The following ALG13 variants were observed in gnomAD, a reference collection of about 807,000 sequenced individuals.
ALG13 encodes the protein UDP-N-acetylglucosamine transferase subunit ALG13.
Under a neutral mutation model 87.8 loss-of-function variants are expected in ALG13, and 11 were observed. The ratio of observed to expected loss-of-function variants is 0.13; its 90% CI spans 0.08 to 0.21. ALG13 has a LOEUF of 0.21. ALG13 is among the 10% of genes least tolerant of loss of function. ALG13 has a pLI of 1.00. For synonymous variants in ALG13, 320 were observed against 306.3 expected (o/e 1.04, Z -0.47); for missense variants, 756 against 866.1 (o/e 0.87, Z 1.60).
At position 111,727,759 on chromosome X, in the gene ALG13, C is replaced by T; in HGVS notation, c.2236C>T (p.Pro746Ser). Residue 746 changes from proline (P) to serine (S), a missense_variant, in exon 18 of 27, where the codon CCA becomes TCA. Physicochemically the swap from Pro to Ser is moderately conservative, Grantham distance 74. This residue lies in a region of ALG13 where 362 missense variants were observed against 383.5 expected (regional missense o/e 0.94). Coordinates refer to ENST00000394780, the MANE Select transcript of ALG13 (RefSeq NM_001099922.3). ...EVEEGDETAY[P>S]TLPNHGGPST... Reference sequence around the variant, plus strand: ...TGAAGAAGGGGATGAGACTGCTTATCCAACTTTACCTGTGAGTGGATCAAT... The same window carrying T: ...TGAAGAAGGGGATGAGACTGCTTATTCAACTTTACCTGTGAGTGGATCAAT... 1.7e-6 allele frequency: 2 copies of T among 1,201,599 alleles called. No homozygotes were observed. Among genetic ancestry groups the T allele is most frequent in the East Asian group, 3.0e-5 (1 of 33,677 alleles).
intron 25 of ALG13, among the ~76,000 whole-genome samples, chrX:111,753,727 G>A: frequency 8.9e-6 from 1 of 111,824 alleles, no homozygotes; most frequent in Non-Finnish European, 1.9e-5. Flanking sequence ...AAACCAGGAA[G>A]AAGTCGAATT....
At chrX:111,739,370 G>A (rs1490802415) in intron 23 of ALG13, among the ~76,000 whole-genome samples, 4 of 112,285 alleles carry the variant, frequency 3.6e-5, no homozygotes, top group Non-Finnish European at 7.5e-5. Flanking sequence ...TACAATTCAA[G>A]ATGAGATTTG....
intron 12 of ALG13, 82 bp from the exon 13 acceptor site, chrX:111,722,711 C>G: frequency 3.0e-6 from 2 of 676,304 alleles, no homozygotes; most frequent in Non-Finnish European, 4.6e-6. Flanking sequence ...AAAGGCACTA[C>G]GGTAAAAGTA....
chrX:111,753,022 T>C, intron 25 of ALG13, 192 bp downstream of exon 25: 2 of 369,411 alleles, frequency 5.4e-6, no homozygotes, highest in East Asian at 9.3e-5. Flanking sequence ...GTTTCTCTTA[T>C]AAAATAGTCG....
intron 15 of ALG13, among the ~76,000 whole-genome samples, chrX:111,726,232 GTTTTTTT>G (rs1213050998): frequency 1.7e-5 from 1 of 60,225 alleles, no homozygotes; most frequent in Admixed American, 1.9e-4. Flanking sequence ...GGCGTGTTTT[GTTTTTTT>G]TTTTTTTTTT....
intron 8 of ALG13, among the ~76,000 whole-genome samples, chrX:111,716,204 T>C (rs1413198401): frequency 1.8e-5 from 2 of 111,415 alleles, no homozygotes; most frequent in African/African-American, 3.3e-5. Flanking sequence ...CTTAGTAATA[T>C]AGATCTACCC....
chrX:111,748,063 T>C (rs1336760428), intron 24 of ALG13, among the ~76,000 whole-genome samples: 1 of 112,371 alleles, frequency 8.9e-6, no homozygotes, highest in African/African-American at 3.2e-5. Context: ...GTAGAGCATC[T>C]TTTCATGTGC....
At chrX:111,726,232 G>GTTTTTTTTT (rs1213050998) in intron 15 of ALG13, among the ~76,000 whole-genome samples, 3 of 60,221 alleles carry the variant, frequency 5.0e-5, no homozygotes, top group African/African-American at 1.4e-4. Context: ...GGCGTGTTTT[G>GTTTTTTTTT]TTTTTTTTTT....
intron 3 of ALG13, among the ~76,000 whole-genome samples, chrX:111,696,968 G>C (rs1037625932): frequency 9.8e-6 from 1 of 102,366 alleles, no homozygotes; most frequent in Admixed American, 1.0e-4. Context: ...CAGTGAAATT[G>C]CTCTGGTTCT....
chrX:111,726,232 G>GTTTTT (rs1213050998), intron 15 of ALG13, among the ~76,000 whole-genome samples: 249 of 59,997 alleles, frequency 4.2e-3, no homozygotes, highest in East Asian at 7.3e-3. Context: ...GGCGTGTTTT[G>GTTTTT]TTTTTTTTTT....
intron 5 of ALG13, 63 bp from the exon 6 acceptor site, chrX:111,711,612 A>G (rs1939794388): frequency 9.5e-7 from 1 of 1,047,747 alleles, no homozygotes; most frequent in Middle Eastern, 2.5e-4. Flanking sequence ...GATAATGTAG[A>G]ATATAATCAG....
chrX:111,713,333 A>C (rs1940101408), intron 8 of ALG13, 36 bp downstream of exon 8: 1 of 921,245 alleles, frequency 1.1e-6, no homozygotes, highest in African/African-American at 1.9e-5. Context: ...TATATAAAAG[A>C]AGTTGAATGA....
At chrX:111,750,569 A>G (rs762555443) in intron 24 of ALG13, among the ~76,000 whole-genome samples, 1 of 110,794 alleles carries the variant, frequency 9.0e-6, no homozygotes, top group East Asian at 2.8e-4. Context: ...CATTTTTCCA[A>G]CAACATGTTC....
intron 18 of ALG13, among the ~76,000 whole-genome samples, 195 bp from the exon 19 acceptor site, chrX:111,727,990 T>C (rs1376556248): frequency 1.8e-5 from 2 of 112,450 alleles, no homozygotes; most frequent in Non-Finnish European, 3.7e-5. Context: ...GGGTTAATAT[T>C]TTCTATTTTC....
Position 111,711,676 on chromosome X carries a change from A to T in ALG13, c.836A>T (p.Tyr279Phe). 1 of 1,207,326 alleles carries T rather than the reference A, an allele frequency of 8.3e-7. No homozygotes were observed. Reference sequence around the variant, plus strand: ...GTTGAGTTTGTTTTATTTTTGAAGTATGTGGAGGGATCTTTTGAGAAATAC... The same window carrying T: ...GTTGAGTTTGTTTTATTTTTGAAGTTTGTGGAGGGATCTTTTGAGAAATAC... Reference protein sequence around the residue: ...MRENQQTFESYVEGSFEKYLE... With the variant: ...MRENQQTFESFVEGSFEKYLE... The change falls in exon 6 of 27, where the codon TAT becomes TTT. Residue 279 changes from tyrosine to phenylalanine, a missense_variant and splice_region_variant. Physicochemically the swap from Tyr to Phe is conservative, Grantham distance 22. This residue lies in a region of ALG13 where 60 missense variants were observed against 54.5 expected (regional missense o/e 1.10). Transcript: ENST00000394780.
chrX:111,752,904 G>A (rs1464350903), intron 25 of ALG13, 74 bp downstream of exon 25: 1 of 819,846 alleles, frequency 1.2e-6, no homozygotes, highest in Non-Finnish European at 1.7e-6. Context: ...TCAGACTCTT[G>A]AACTTCGAAA....
At chrX:111,715,084 TC>T (rs1490539073) in intron 8 of ALG13, among the ~76,000 whole-genome samples, 1 of 112,106 alleles carries the variant, frequency 8.9e-6, no homozygotes, top group Admixed American at 9.5e-5. Flanking sequence ...ATTACACAGT[TC>T]CATTTATAAA....
Position 111,723,907 on chromosome X carries a change from A to G in ALG13, c.1601+9A>G. The G allele has an allele frequency of 9.4e-7, 1 of 1,059,895 alleles. No individual in the cohort carries two copies. The highest frequency in any genetic ancestry group is 1.3e-6 in the Non-Finnish European group (1 of 787,599). 87.3% of individuals were successfully genotyped at this position (1,059,895 alleles called of 1,213,427 possible). Reference sequence around the variant, plus strand: ...GAAGAATTGGCGGAAAAGTAGGAATATGATAATTTGTTGAATTACTGAAAT... The same window carrying G: ...GAAGAATTGGCGGAAAAGTAGGAATGTGATAATTTGTTGAATTACTGAAAT... On this transcript the variant is annotated intron_variant, in intron 14 of 26. Coordinates refer to ENST00000394780, the MANE Select transcript of ALG13 (RefSeq NM_001099922.3).
intron 19 of ALG13, among the ~76,000 whole-genome samples, chrX:111,729,410 A>AT (rs1196814961): frequency 5.4e-5 from 6 of 111,177 alleles, no homozygotes; most frequent in Non-Finnish European, 1.9e-5. Flanking sequence ...AAAAAAATAG[A>AT]TATTTTTAGG....
Sources: allele counts gnomAD v4.1 joint callset (sites outside exome capture counted in the v4.1 genomes callset), GRCh38; gene constraint gnomAD v4.1.1; regional missense constraint gnomAD v4.1.1; transcripts MANE v1.5; gene names NCBI Gene and HGNC (gene_info 2026-07-23, HGNC 2026-07-21).